OBP2B: variants seen among roughly 807,000 people sequenced by gnomAD.
The protein encoded by OBP2B is odorant-binding protein 2b.
Under a neutral mutation model 21.7 loss-of-function variants are expected in OBP2B, and 10 were observed. That is an observed-to-expected ratio of 0.46 (90% CI 0.28 to 0.78). The LOEUF (loss-of-function observed/expected upper bound fraction) is 0.78. Among genes scored for constraint, OBP2B ranks in the 30% least tolerant of loss-of-function variants. OBP2B has a pLI of 0.11. For synonymous variants in OBP2B, 73 were observed against 91.5 expected (o/e 0.80, Z 1.16); for missense variants, 153 against 217.7 (o/e 0.70, Z 1.87).
At chr9:133,207,954 C>T (rs1459208650) in intron 3 of OBP2B, 179 bp downstream of exon 3, 6 of 1,534,122 alleles carry the variant, frequency 3.9e-6, no homozygotes, top group Admixed American at 2.0e-5. Flanking sequence ...GCCTGTCACA[C>T]CCGGTGTCTG....
chr9:133,218,902 A>G, the OBP2B span, among the ~76,000 whole-genome samples: 3 of 152,236 alleles, frequency 2.0e-5, no homozygotes, highest in African/African-American at 4.8e-5. Context: ...GCTAAATACC[A>G]GTCCATGCAG....
rs576469540 is a variant in OBP2B, at chr9:133,205,933, G to A, written c.498C>T (p.Cys166=). The A allele has an allele frequency of 1.9e-6, 3 of 1,613,904 alleles. No homozygotes were observed. The highest frequency in any genetic ancestry group is 1.3e-5 in the African/African-American group (1 of 75,032). ...CTCACTCACCCTAGTGTTCGGGAAC[G>A]CAGCTTCCTGCAGAGACCAAGAAAA... ...DIFTPLQTGS[C]VPEH is the part of the protein sequence containing the mutation. The change falls in exon 6 of 7, where the codon TGC becomes TGT. Residue 166 remains cysteine, a synonymous_variant. Coordinates refer to ENST00000372034, the MANE Select transcript of OBP2B (RefSeq NM_014581.4).
upstream of OBP2B, among the ~76,000 whole-genome samples, chr9:133,209,457 C>T (rs151109896): frequency 4.8e-4 from 73 of 152,230 alleles, 1 homozygote; most frequent in East Asian, 0.013. This position sits in a 1 kb window ranked among gnomAD's most constrained non-coding sequence, Gnocchi z 6.0. Context: ...TTGCACCACC[C>T]GAACGCGCCC....
chr9:133,220,312 C>A, the OBP2B span, among the ~76,000 whole-genome samples: 1 of 152,238 alleles, frequency 6.6e-6, no homozygotes, highest in Non-Finnish European at 1.5e-5. Flanking sequence ...CCCAGAGAAG[C>A]CTCTCCAGGC....
At chr9:133,214,222 G>A (rs1308828156), upstream of OBP2B, among the ~76,000 whole-genome samples, 1 of 152,178 alleles carries the variant, frequency 6.6e-6, no homozygotes, top group Admixed American at 6.5e-5. Context: ...ACTTGACAAA[G>A]AGCATCTACA....
the OBP2B span, among the ~76,000 whole-genome samples, chr9:133,214,981 T>G: frequency 6.6e-6 from 1 of 152,320 alleles, no homozygotes; most frequent in Non-Finnish European, 1.5e-5. Context: ...TGTCTGCATC[T>G]GCAGATGACA....
upstream of OBP2B, among the ~76,000 whole-genome samples, chr9:133,210,377 G>A (rs1833890927): frequency 1.3e-5 from 2 of 152,234 alleles, no homozygotes; most frequent in Admixed American, 1.3e-4. Context: ...AAACCCTGGG[G>A]CTGTAACGAA....
Position 133,206,352 on chromosome 9 carries a change from T to A in OBP2B, c.453A>T (p.Gly151=). ...GCGTGAAAATGTCCTCCTCCGAGAG[T>A]CCCTTGCGCTGCACCAATTTCTTAA... ...EEFKKLVQRK[G]LSEEDIFTPL... Residue 151 remains glycine (G), a synonymous_variant, in exon 5 of 7, where the codon GGA becomes GGT. Transcript: ENST00000372034. The A allele has an allele frequency of 6.2e-7, 1 of 1,613,452 alleles. No individual in the cohort carries two copies. Among genetic ancestry groups the A allele is most frequent in the Non-Finnish European group, 8.5e-7 (1 of 1,179,854 alleles).
In OBP2B at chr9:133,208,587, A is replaced by G. The variant is rs1564286994; in HGVS notation, c.88T>C (p.Tyr30His). The change falls in exon 2 of 7, where the codon TAC becomes CAC. Residue 30 changes from tyrosine (Y) to histidine (H), a missense_variant. Tyr to His is a moderately conservative substitution (Grantham distance 83, BLOSUM62 2). Coordinates refer to ENST00000372034, the MANE Select transcript of OBP2B (RefSeq NM_014581.4). ...LEEEDITGTW[Y>H]VKAMVVDKDF... ...TTATCGACCACCATGGCCTTCACGT[A>G]CCAGGTCCCTGTGATCTGGAGCAGG... The G allele has an allele frequency of 1.9e-6, 3 of 1,610,504 alleles. No homozygotes were observed. The Admixed American group carries it at 5.0e-5, about 27-fold the overall frequency.
upstream of OBP2B, among the ~76,000 whole-genome samples, chr9:133,213,901 T>C (rs1267250918): frequency 6.6e-6 from 1 of 152,016 alleles, no homozygotes; most frequent in African/African-American, 2.4e-5. Context: ...TGAGAGAATA[T>C]CTCCCAACCA....
the OBP2B span, among the ~76,000 whole-genome samples, chr9:133,223,092 A>C: frequency 0.83 from 126,651 of 152,064 alleles, 53,476 homozygotes; most frequent in African/African-American, 0.92. This position sits in a 1 kb window ranked among gnomAD's most constrained non-coding sequence, Gnocchi z 4.4. Flanking sequence ...TGCCGTATTT[A>C]ACACATTGGC....
chr9:133,209,894 G>C (rs559751900), upstream of OBP2B, among the ~76,000 whole-genome samples: 1 of 152,162 alleles, frequency 6.6e-6, no homozygotes, highest in Non-Finnish European at 1.5e-5. This position sits in a 1 kb window ranked among gnomAD's most constrained non-coding sequence, Gnocchi z 6.0. Context: ...GCTTCACTCC[G>C]TACCGGAGCC....
chr9:133,221,634 G>T, the OBP2B span, among the ~76,000 whole-genome samples: 2 of 152,162 alleles, frequency 1.3e-5, no homozygotes, highest in Admixed American at 6.5e-5. Context: ...AAATGCCAAG[G>T]TCTGAGCTTC....
chr9:133,212,254 C>T (rs1340695698), upstream of OBP2B, among the ~76,000 whole-genome samples: 3 of 152,176 alleles, frequency 2.0e-5, no homozygotes, highest in Admixed American at 6.5e-5. Flanking sequence ...ACTTCAATAC[C>T]CTTCTCTCAG....
At chr9:133,206,200 C>T (rs1298517146) in intron 5 of OBP2B, 115 bp downstream of exon 5, 9 of 1,285,664 alleles carry the variant, frequency 7.0e-6, no homozygotes, top group Non-Finnish European at 9.0e-6. Context: ...TGCGAGGAGA[C>T]TCGGGGCACA....
Position 133,208,709 on chromosome 9 carries a change from T to C in OBP2B, c.73-107A>G, listed in dbSNP as rs567293382. On this transcript the variant is annotated intron_variant, in intron 1 of 6. Coordinates refer to ENST00000372034, the MANE Select transcript of OBP2B (RefSeq NM_014581.4). The stretch of plus-strand genomic sequence containing the variant: ...CCAGACACCCATGGTGCCCGGCTGC[T>C]GCCCTTAAAGGCAGGCTGTGTTCCT... 472 of 1,519,642 alleles carry C rather than the reference T, an allele frequency of 3.1e-4. 1 individual carries two copies. Among genetic ancestry groups the C allele is most frequent in the Non-Finnish European group, 3.8e-4 (433 of 1,128,588 alleles). 94.1% of individuals were successfully genotyped at this position (1,519,642 alleles called of 1,614,324 possible).
chr9:133,220,732 G>A, the OBP2B span, among the ~76,000 whole-genome samples: 13 of 152,216 alleles, frequency 8.5e-5, no homozygotes, highest in African/African-American at 2.9e-4. Context: ...TGGTAAAACG[G>A]ACTTCACAGA....
the OBP2B span, among the ~76,000 whole-genome samples, chr9:133,219,295 A>T: frequency 6.6e-6 from 1 of 152,262 alleles, no homozygotes; most frequent in East Asian, 1.9e-4. Flanking sequence ...AAACTTTTGT[A>T]CGTCAGTGGA....
At chr9:133,221,104 C>A in the OBP2B span, among the ~76,000 whole-genome samples, 1 of 152,232 alleles carries the variant, frequency 6.6e-6, no homozygotes, top group Non-Finnish European at 1.5e-5. Context: ...GCAAAACCTG[C>A]ATGCTCGGTT....
Sources: gnomAD v4.1 joint callset for allele counts (sites outside exome capture counted in the v4.1 genomes callset) on GRCh38, gnomAD v4.1.1 for gene constraint, Gnocchi (gnomAD v3.1) non-coding constraint, MANE v1.5 for transcripts, NCBI Gene and HGNC (gene_info 2026-07-23, HGNC 2026-07-21) for gene names.